ITPKB: variants seen among roughly 807,000 people sequenced by gnomAD.
ITPKB encodes the protein inositol-trisphosphate 3-kinase B.
In ITPKB, 13 loss-of-function variants were observed where a neutral mutation model predicts 69.4. That is an observed-to-expected ratio of 0.19 (90% CI 0.12 to 0.30). The LOEUF (loss-of-function observed/expected upper bound fraction) is 0.30. ITPKB is among the 10% of genes least tolerant of loss of function. The probability of loss-of-function intolerance (pLI) is 1.00; values close to 1 mark genes in which losing one functional copy is unlikely to be tolerated. For missense variants in ITPKB, 1,240 were observed against 1,250.5 expected (o/e 0.99, Z 0.13); for synonymous variants, 584 against 513.7 (o/e 1.14, Z -1.85).
At chr1:226,733,575 C>T (rs1257471240) in intron 2 of ITPKB, among the ~76,000 whole-genome samples, 1 of 151,582 alleles carries the variant, frequency 6.6e-6, no homozygotes, top group Non-Finnish European at 1.5e-5. Flanking sequence ...CCCCCCTACA[C>T]ACACACACAC....
intron 2 of ITPKB, among the ~76,000 whole-genome samples, chr1:226,712,165 G>C (rs1656977311): frequency 6.6e-6 from 1 of 152,160 alleles, no homozygotes; most frequent in Admixed American, 6.5e-5. Context: ...ATGGGGTAAG[G>C]GCAGGGTTTA....
rs185852300 is a variant in ITPKB, at chr1:226,639,439, G to A, written c.2553+118C>T. The A allele has an allele frequency of 1.5e-4, 106 of 725,518 alleles. 1 individual carries two copies. The highest frequency in any genetic ancestry group is 2.8e-4 in the Admixed American group (14 of 50,038). The allele number at this position is 725,518 out of a possible 1,614,324, so 44.9% of individuals were successfully genotyped here. A position where few individuals can be genotyped will look rare whatever the true frequency, so the allele number is the denominator to read the frequency against. On this transcript the variant is annotated intron_variant, in intron 6 of 7. Coordinates refer to ENST00000429204, the MANE Select transcript of ITPKB (RefSeq NM_002221.4). ...CCTCTCTACAGAGCCCTACGAACTC[G>A]GGCTGGGGTGTGCTGTCCCTGGGGG...
intron 2 of ITPKB, among the ~76,000 whole-genome samples, chr1:226,729,371 A>T (rs1303263991): frequency 6.7e-6 from 1 of 149,964 alleles, no homozygotes; most frequent in Non-Finnish European, 1.5e-5. Flanking sequence ...AGTCCCAGCT[A>T]TTCGGAAGGC....
chr1:226,701,726 G>A (rs1335715050), intron 2 of ITPKB, among the ~76,000 whole-genome samples: 1 of 151,996 alleles, frequency 6.6e-6, no homozygotes, highest in Non-Finnish European at 1.5e-5. Flanking sequence ...CAGGGAGTAG[G>A]AGGGGTGGGA....
At chr1:226,675,917 G>A (rs533820566) in intron 2 of ITPKB, among the ~76,000 whole-genome samples, 6 of 152,286 alleles carry the variant, frequency 3.9e-5, no homozygotes, top group Admixed American at 3.9e-4. Context: ...CCACACTTCT[G>A]TAGAATTTCT....
rs1444570574 is a variant in ITPKB, at chr1:226,634,180, A to G, written c.*491T>C. ...CCGATGGTTTTGTGCCCCAACTACCAGAAAGCCCTGCTCCCAGCCAGGGAC... is the reference window on the plus strand; with the variant it reads ...CCGATGGTTTTGTGCCCCAACTACCGGAAAGCCCTGCTCCCAGCCAGGGAC... On this transcript the variant is annotated 3_prime_UTR_variant, in exon 8 of 8. Transcript: ENST00000429204. This position sits in a 1 kb window ranked among gnomAD's most constrained non-coding sequence, Gnocchi z 6.3. The G allele has an allele frequency of 6.3e-6, 1 of 157,886 alleles. No individual in the cohort carries two copies. Among genetic ancestry groups the G allele is most frequent in the Non-Finnish European group, 1.4e-5 (1 of 70,840 alleles). 9.8% of individuals were successfully genotyped at this position (157,886 alleles called of 1,614,324 possible). A position where few individuals can be genotyped will look rare whatever the true frequency, so the allele number is the denominator to read the frequency against.
intron 2 of ITPKB, among the ~76,000 whole-genome samples, chr1:226,655,626 G>C (rs535634380): frequency 9.8e-4 from 150 of 152,330 alleles, no homozygotes; most frequent in African/African-American, 3.5e-3. Context: ...CTGCAGTGCT[G>C]TCTGAGCCAG....
chr1:226,655,348 G>C (rs1343442722), intron 2 of ITPKB, among the ~76,000 whole-genome samples: 2 of 152,230 alleles, frequency 1.3e-5, no homozygotes, highest in African/African-American at 4.8e-5. Flanking sequence ...GCTCAGCCAG[G>C]AAATGGGCCC....
At position 226,637,986 on chromosome 1, in the gene ITPKB, T is replaced by C. The variant is rs902302360; in HGVS notation, c.2554-236A>G. 6.6e-6 allele frequency among the ~76,000 whole-genome samples: 1 copy of C among 152,220 alleles called. No individual in the cohort carries two copies. Among genetic ancestry groups the C allele is most frequent in the African/African-American group, 2.4e-5 (1 of 41,456 alleles). The stretch of plus-strand genomic sequence containing the variant: ...AGAGAACCACAAATATCTCTCCCAG[T>C]GCCCTCTCCATGGAGCCCTATAAAC... On this transcript the variant is annotated intron_variant, in intron 6 of 7. Coordinates refer to ENST00000429204, the MANE Select transcript of ITPKB (RefSeq NM_002221.4). This position sits in a 1 kb window ranked among gnomAD's most constrained non-coding sequence, Gnocchi z 4.3.
At position 226,642,091 on chromosome 1, in the gene ITPKB, T is replaced by C. The variant is rs374484908; in HGVS notation, c.2281A>G (p.Lys761Glu). 4 of 1,613,944 alleles carry C rather than the reference T, an allele frequency of 2.5e-6. No individual in the cohort carries two copies. In the African/African-American group the frequency reaches 4.0e-5, roughly 16 times the overall value. ...ATGTCCTTCCGCAGGCTGGGCTTCT[T>C]CCGGGCCTTCGTGAGCTCCTCCTCC... ...YLEEELTKAR[K>E]KPSLRKDMYQ... Residue 761 changes from lysine to glutamate, a missense_variant, in exon 5 of 8, where the codon AAG becomes GAG. Physicochemically the swap from Lys to Glu is moderately conservative, Grantham distance 56 (BLOSUM62 1). Around this residue, in one of 2 missense-constraint regions of ITPKB, gnomAD observed 248 missense variants for 396.7 expected, o/e 0.63. Transcript: ENST00000429204. The surrounding 1 kb of genome is among the most constrained non-coding windows in gnomAD (Gnocchi z 6.4).
At chr1:226,703,458 G>C (rs955959060) in intron 2 of ITPKB, among the ~76,000 whole-genome samples, 3 of 152,210 alleles carry the variant, frequency 2.0e-5, no homozygotes, top group Non-Finnish European at 4.4e-5. Flanking sequence ...TGCTCTACAG[G>C]GGGCTTTTCT....
At chr1:226,659,967 C>T (rs1432016690) in intron 2 of ITPKB, among the ~76,000 whole-genome samples, 1 of 152,202 alleles carries the variant, frequency 6.6e-6, no homozygotes, top group Non-Finnish European at 1.5e-5. Flanking sequence ...ACACCTACAC[C>T]AAGGCTCACA....
rs1668956713 is a variant in ITPKB at position 226,641,294 on chromosome 1, C to T, written c.2451+627G>A. Among the ~76,000 whole-genome samples, 1 of 152,198 alleles carries T rather than the reference C, an allele frequency of 6.6e-6. No homozygotes were observed. The highest frequency in any genetic ancestry group is 2.4e-5 in the African/African-American group (1 of 41,444). On this transcript the variant is annotated intron_variant, in intron 5 of 7. Transcript: ENST00000429204. This position sits in a 1 kb window ranked among gnomAD's most constrained non-coding sequence, Gnocchi z 4.6. ...GCTAAGAACTTTCCTGCCAGATACA[C>T]ATAGGTACAAAGGGATAGAAGGGAA...
intron 2 of ITPKB, among the ~76,000 whole-genome samples, chr1:226,706,127 T>G (rs1456808818): frequency 6.6e-6 from 1 of 152,042 alleles, no homozygotes; most frequent in Non-Finnish European, 1.5e-5. Context: ...ACCAAGTAAA[T>G]CCCATTTCCA....
intron 1 of ITPKB, among the ~76,000 whole-genome samples, 169 bp from the exon 2 acceptor site, chr1:226,737,832 C>G (rs1657853365): frequency 6.6e-6 from 1 of 152,164 alleles, no homozygotes; most frequent in African/African-American, 2.4e-5. Context: ...CATGCCCCGG[C>G]TGCCTCGGTC....
chr1:226,635,276 A>G (rs4653761), intron 7 of ITPKB, among the ~76,000 whole-genome samples: 3,305 of 151,868 alleles, frequency 0.022, 115 homozygotes, highest in Admixed American at 0.09. Context: ...GCTGGAGTGC[A>G]GTGGTGCAAC....
intron 2 of ITPKB, among the ~76,000 whole-genome samples, chr1:226,684,375 C>T (rs1656154079): frequency 6.6e-6 from 1 of 152,242 alleles, no homozygotes; most frequent in Non-Finnish European, 1.5e-5. Flanking sequence ...AGCAGTCAAC[C>T]TGTGCACCCC....
At position 226,735,889 on chromosome 1, in the gene ITPKB, T is replaced by A; in HGVS notation, c.1570A>T (p.Thr524Ser). The part of the protein sequence containing the change: ...EKAGLAWTRG[T>S]GVQSEGTWES... ...CAAGTCCCCTCTGATTGCACCCCTG[T>A]GCCACGCGTCCAAGCCAAACCGGCT... The change falls in exon 2 of 8, where the codon ACA (threonine) becomes TCA (serine). Residue 524 changes from threonine (T) to serine (S), a missense_variant. Physicochemically the swap from Thr to Ser is moderately conservative, Grantham distance 58 (BLOSUM62 1). Around this residue, in one of 2 missense-constraint regions of ITPKB, gnomAD observed 992 missense variants for 853.8 expected, o/e 1.16. Coordinates refer to ENST00000429204, the MANE Select transcript of ITPKB (RefSeq NM_002221.4). The A allele has an allele frequency of 1.9e-6, 3 of 1,612,548 alleles. No homozygotes were observed. The highest frequency in any genetic ancestry group is 2.5e-6 in the Non-Finnish European group (3 of 1,178,802).
At chr1:226,681,195 T>C (rs1656086120) in intron 2 of ITPKB, among the ~76,000 whole-genome samples, 1 of 152,156 alleles carries the variant, frequency 6.6e-6, no homozygotes, top group Admixed American at 6.5e-5. Context: ...CCACAGACAG[T>C]GTTGCTGGTT....
Sources: allele counts gnomAD v4.1 joint callset (sites outside exome capture counted in the v4.1 genomes callset), GRCh38; gene constraint gnomAD v4.1.1; regional missense constraint gnomAD v4.1.1; non-coding constraint Gnocchi (gnomAD v3.1); transcripts MANE v1.5; gene names NCBI Gene and HGNC (gene_info 2026-07-23, HGNC 2026-07-21).